GRID1: variants seen among roughly 807,000 people sequenced by gnomAD.
GRID1 encodes the protein glutamate receptor ionotropic, delta-1.
In GRID1, 28 loss-of-function variants were observed where a neutral mutation model predicts 98.0. That is an observed-to-expected ratio of 0.29 (90% CI 0.21 to 0.39). GRID1 has a LOEUF of 0.39. Among genes scored for constraint, GRID1 ranks in the 10% least tolerant of loss-of-function variants. The pLI is 1.00. For synonymous variants in GRID1, 553 were observed against 538.5 expected, an observed-to-expected ratio of 1.03 and a Z score of -0.37; for missense variants, 1,111 against 1,340.5, an observed-to-expected ratio of 0.83 and a Z score of 2.67.
chr10:86,103,500 A>G (rs1028194160), intron 4 of GRID1, among the ~76,000 whole-genome samples: 1 of 152,222 alleles, frequency 6.6e-6, no homozygotes, highest in African/African-American at 2.4e-5. Flanking sequence ...CCCCCAGGCC[A>G]CAGGCCTAGG....
At chr10:86,127,309 G>A (rs905432958) in intron 4 of GRID1, among the ~76,000 whole-genome samples, 5 of 152,162 alleles carry the variant, frequency 3.3e-5, no homozygotes, top group Non-Finnish European at 7.3e-5. Context: ...TGGCGTACTG[G>A]CCACCGACAG....
intron 5 of GRID1, among the ~76,000 whole-genome samples, chr10:85,874,064 C>T (rs1843304692): frequency 6.6e-6 from 1 of 152,028 alleles, no homozygotes; most frequent in Non-Finnish European, 1.5e-5. Context: ...TTTGTTTGCC[C>T]TTACAAAGTT....
chr10:85,832,701 C>A (rs1027554505), intron 8 of GRID1, among the ~76,000 whole-genome samples: 3 of 152,122 alleles, frequency 2.0e-5, no homozygotes, highest in African/African-American at 7.2e-5. Flanking sequence ...AACATAGTGA[C>A]AGGGTGTCTT....
At chr10:85,604,609 C>T (rs990457066) in intron 15 of GRID1, among the ~76,000 whole-genome samples, 9 of 152,086 alleles carry the variant, frequency 5.9e-5, no homozygotes, top group African/African-American at 1.7e-4. Context: ...TCTACTTGTC[C>T]CAGCTAAATT....
At chr10:85,726,174 T>G (rs917380296) in intron 10 of GRID1, among the ~76,000 whole-genome samples, 1 of 151,952 alleles carries the variant, frequency 6.6e-6, no homozygotes, top group Non-Finnish European at 1.5e-5. Context: ...TCATAGGAAT[T>G]AGAGGTACAA....
intron 4 of GRID1, among the ~76,000 whole-genome samples, chr10:85,973,501 T>C (rs1842433717): frequency 6.6e-6 from 1 of 152,198 alleles, no homozygotes; most frequent in African/African-American, 2.4e-5. Flanking sequence ...AGATTTGTCT[T>C]TCGTTGCTGG....
At chr10:85,650,469 C>T (rs568791668) in intron 12 of GRID1, among the ~76,000 whole-genome samples, 1 of 152,268 alleles carries the variant, frequency 6.6e-6, no homozygotes, top group Admixed American at 6.5e-5. Flanking sequence ...TGTCATTCAA[C>T]CAGTTATTTC....
intron 12 of GRID1, among the ~76,000 whole-genome samples, chr10:85,669,150 T>C (rs1841056788): frequency 6.6e-6 from 1 of 152,222 alleles, no homozygotes; most frequent in Non-Finnish European, 1.5e-5. Flanking sequence ...GTCCAACGGC[T>C]ATTTCATAAC....
chr10:85,694,550 GTATATATATATATATATATATATATA>G lies in GRID1; in HGVS notation c.1997+28427_1997+28452del, dbSNP rs56344083. On this transcript the variant is annotated intron_variant, in intron 12 of 15. Transcript: ENST00000327946. ...TAACTAGATAAAGAAAATGTGGTGT[GTATATATATATATATATATATATATA>G]TATATATATATATATATATATATAT... 4.6e-4 allele frequency among the ~76,000 whole-genome samples: 43 copies of G among 92,842 alleles called. 1 individual carries two copies. The highest frequency in any genetic ancestry group is 1.4e-3 in the South Asian group (4 of 2,792). 60.9% of individuals were successfully genotyped at this position (92,842 alleles called of 152,430 possible). A position where few individuals can be genotyped will look rare whatever the true frequency, so the allele number is the denominator to read the frequency against.
chr10:86,124,436 C>T (rs988842230), intron 4 of GRID1, among the ~76,000 whole-genome samples: 6 of 152,198 alleles, frequency 3.9e-5, no homozygotes, highest in Admixed American at 2.0e-4. Context: ...GCCACAATCT[C>T]TCTGCAGCAG....
At chr10:86,230,134 G>A (rs60129528) in intron 2 of GRID1, among the ~76,000 whole-genome samples, 43,172 of 152,118 alleles carry the variant, frequency 0.28, 6,974 homozygotes, top group Non-Finnish European at 0.38. Context: ...CCAGCCTCAA[G>A]CAGCCCACCA....
At chr10:85,724,057 C>A (rs1273075047) in intron 11 of GRID1, among the ~76,000 whole-genome samples, 1 of 152,120 alleles carries the variant, frequency 6.6e-6, no homozygotes, top group African/African-American at 2.4e-5. Flanking sequence ...ACCTCATGTG[C>A]ATAGCAATCA....
chr10:85,687,941 G>A (rs1022765470), intron 12 of GRID1, among the ~76,000 whole-genome samples: 1 of 152,194 alleles, frequency 6.6e-6, no homozygotes, highest in African/African-American at 2.4e-5. Flanking sequence ...TACAGTATAT[G>A]ATTTCAAATG....
rs754919554 is a variant in GRID1, at chr10:85,602,616, G to A, written c.2687C>T (p.Ala896Val). 51 of 1,613,946 alleles carry A rather than the reference G, an allele frequency of 3.2e-5. No individual in the cohort carries two copies. The highest frequency in any genetic ancestry group is 4.2e-5 in the Non-Finnish European group (50 of 1,179,914). The change falls in exon 16 of 16, where the codon GCG becomes GTG. Residue 896 changes from alanine to valine, a missense_variant. This residue lies in a region of GRID1 where 762 missense variants were observed against 869.1 expected (regional missense o/e 0.88). Transcript: ENST00000327946. ...CTCCAGGGCCGAGAGCTCAATCGAC[G>A]CTGGGGAAATCTGCTTGTGAGCAAT... ...EDIAHKQISP[A>V]SIELSALEMG...
chr10:85,669,868 T>A (rs968278092), intron 12 of GRID1, among the ~76,000 whole-genome samples: 1 of 152,240 alleles, frequency 6.6e-6, no homozygotes, highest in African/African-American at 2.4e-5. Flanking sequence ...AATCAGTGAA[T>A]GGAGCTTAGG....
At chr10:85,915,152 C>T (rs1252946196) in intron 5 of GRID1, among the ~76,000 whole-genome samples, 1 of 151,964 alleles carries the variant, frequency 6.6e-6, no homozygotes, top group East Asian at 1.9e-4. Context: ...CTATTTACTC[C>T]CTTTACATGG....
intron 4 of GRID1, among the ~76,000 whole-genome samples, chr10:85,959,886 T>A (rs1209591636): frequency 7.2e-5 from 11 of 152,106 alleles, no homozygotes; most frequent in African/African-American, 2.7e-4. Context: ...TTCTTTTGGG[T>A]AATTTTTTTT....
At chr10:85,927,973 G>A (rs895296441) in intron 4 of GRID1, among the ~76,000 whole-genome samples, 17 of 152,330 alleles carry the variant, frequency 1.1e-4, no homozygotes, top group Non-Finnish European at 1.9e-4. Flanking sequence ...AGCTTAAAGC[G>A]TTTAGAAAGA....
chr10:85,876,780 G>T (rs961123109), intron 5 of GRID1, among the ~76,000 whole-genome samples: 1 of 152,346 alleles, frequency 6.6e-6, no homozygotes, highest in South Asian at 2.1e-4. Context: ...GCAGCGCACC[G>T]TGTGCCAGCC....
Sources: allele counts gnomAD v4.1 joint callset (sites outside exome capture counted in the v4.1 genomes callset), GRCh38; gene constraint gnomAD v4.1.1; regional missense constraint gnomAD v4.1.1; transcripts MANE v1.5; gene names NCBI Gene and HGNC (gene_info 2026-07-23, HGNC 2026-07-21).